GALNTL6: variants seen among roughly 807,000 people sequenced by gnomAD.
GALNTL6 encodes the protein polypeptide N-acetylgalactosaminyltransferase like 6, also known as polypeptide N-acetylgalactosaminyltransferase-like 6.
A neutral mutation model predicts 73.7 loss-of-function variants in GALNTL6; 46 were observed. That is an observed-to-expected ratio of 0.62 (90% confidence interval 0.49 to 0.80). The LOEUF (loss-of-function observed/expected upper bound fraction) is 0.80. GALNTL6 is among the 30% of genes least tolerant of loss of function. The pLI is 0.00. For missense variants in GALNTL6, 604 were observed against 755.0 expected, an observed-to-expected ratio of 0.80 and a Z score of 2.34; for synonymous variants, 259 against 263.7, an observed-to-expected ratio of 0.98 and a Z score of 0.17.
At chr4:172,076,825 C>G (rs997893706) in intron 2 of GALNTL6, among the ~76,000 whole-genome samples, 7 of 152,056 alleles carry the variant, frequency 4.6e-5, no homozygotes, top group African/African-American at 1.7e-4. Context: ...CAACATAAGG[C>G]CAATTATATG....
At chr4:172,173,206 G>T (rs533241776) in intron 2 of GALNTL6, among the ~76,000 whole-genome samples, 1 of 152,258 alleles carries the variant, frequency 6.6e-6, no homozygotes, top group African/African-American at 2.4e-5. Context: ...ACATTATCGG[G>T]GCAACATGTT....
At chr4:172,949,173 T>C (rs1029797000) in intron 9 of GALNTL6, among the ~76,000 whole-genome samples, 1 of 152,210 alleles carries the variant, frequency 6.6e-6, no homozygotes, top group Admixed American at 6.5e-5. Flanking sequence ...CATCATATGG[T>C]CTTTCATTAA....
rs533392528 is a variant in GALNTL6 at position 172,891,873 on chromosome 4, G to A, written c.1041+8966G>A. Among the ~76,000 whole-genome samples the A allele has an allele frequency of 2.0e-5, 3 of 152,100 alleles. No individual in the cohort carries two copies. In the South Asian group the frequency reaches 6.2e-4, roughly 32 times the overall value. On this transcript the variant is annotated intron_variant, in intron 8 of 12. Coordinates refer to ENST00000506823, the MANE Select transcript of GALNTL6 (RefSeq NM_001034845.3). ...TATTTTTGTCTGACTGGGTCTTTGA[G>A]CCTTTACATTCTTTCCTCAGCTTAC...
intron 5 of GALNTL6, among the ~76,000 whole-genome samples, chr4:172,431,785 G>T (rs1182258056): frequency 6.6e-6 from 1 of 152,034 alleles, no homozygotes; most frequent in Non-Finnish European, 1.5e-5. Flanking sequence ...TATTTTTACT[G>T]ACTGACTTTA....
At chr4:172,703,698 T>C (rs1734163535) in intron 5 of GALNTL6, among the ~76,000 whole-genome samples, 3 of 152,126 alleles carry the variant, frequency 2.0e-5, no homozygotes, top group African/African-American at 7.2e-5. Flanking sequence ...AGGGTAATAC[T>C]GACCTTGTAC....
chr4:172,294,887 T>C (rs1382863144), intron 3 of GALNTL6, among the ~76,000 whole-genome samples: 4 of 151,988 alleles, frequency 2.6e-5, no homozygotes, highest in Non-Finnish European at 4.4e-5. Context: ...TGAAAAAAGA[T>C]AGAATACTAA....
rs17059113 is a variant in GALNTL6, at chr4:173,036,716, C to T, written c.1639-3217C>T. On this transcript the variant is annotated intron_variant, in intron 12 of 12. Transcript: ENST00000506823. ...TGAATAGCCAGAGCACAGGCCATGC[C>T]ATCCTCCAGGACTGGACAAAGAACA... Among the ~76,000 whole-genome samples the T allele has an allele frequency of 9.5e-3, 1,452 of 152,272 alleles. 29 individuals carry two copies. Among genetic ancestry groups the T allele is most frequent in the African/African-American group, 0.033 (1,379 of 41,550 alleles).
intron 5 of GALNTL6, among the ~76,000 whole-genome samples, chr4:172,546,250 AC>A (rs1735744741): frequency 6.6e-6 from 1 of 152,142 alleles, no homozygotes; most frequent in African/African-American, 2.4e-5. Context: ...GCTGTGTTTT[AC>A]CAGAGGACAG....
intron 7 of GALNTL6, among the ~76,000 whole-genome samples, chr4:172,871,169 C>T (rs937435964): frequency 1.3e-5 from 2 of 152,146 alleles, no homozygotes; most frequent in African/African-American, 4.8e-5. Context: ...ATGCCAAGGG[C>T]CAGGCCTTCT....
chr4:172,675,237 G>A (rs879814083), intron 5 of GALNTL6, among the ~76,000 whole-genome samples: 2 of 152,108 alleles, frequency 1.3e-5, no homozygotes, highest in Non-Finnish European at 2.9e-5. Context: ...GATTTGGGGA[G>A]ACCAGTTCTC....
chr4:171,943,058 C>A (rs2220236), intron 2 of GALNTL6, among the ~76,000 whole-genome samples: 32,754 of 152,146 alleles, frequency 0.22, 4,069 homozygotes, highest in Middle Eastern at 0.33. Flanking sequence ...TAGTTTCTCT[C>A]AAGGGGGTAG....
At chr4:172,419,843 C>T (rs663643) in intron 5 of GALNTL6, among the ~76,000 whole-genome samples, 131,929 of 152,114 alleles carry the variant, frequency 0.87, 57,268 homozygotes, top group South Asian at 0.89. Context: ...TATTTGCTTA[C>T]TTTTATGGCA....
intron 5 of GALNTL6, among the ~76,000 whole-genome samples, chr4:172,532,407 T>C (rs1735197601): frequency 6.6e-6 from 1 of 152,120 alleles, no homozygotes; most frequent in Admixed American, 6.6e-5. Flanking sequence ...CCTAAAGACT[T>C]CAAAAAGAGT....
intron 5 of GALNTL6, among the ~76,000 whole-genome samples, chr4:172,737,534 T>G (rs1190779521): frequency 2.0e-5 from 3 of 152,192 alleles, no homozygotes; most frequent in Admixed American, 6.5e-5. Flanking sequence ...TATATTATCT[T>G]GGAGATCACT....
chr4:172,037,272 T>C (rs1308077312), intron 2 of GALNTL6, among the ~76,000 whole-genome samples: 3 of 152,140 alleles, frequency 2.0e-5, no homozygotes, highest in Non-Finnish European at 4.4e-5. Flanking sequence ...ATCAATAAAC[T>C]GCTGAGACTA....
In GALNTL6 at chr4:172,617,486, TA is replaced by T. The variant is rs1309253006; in HGVS notation, c.554-191874del. On this transcript the variant is annotated intron_variant, in intron 5 of 12. Coordinates refer to ENST00000506823, the MANE Select transcript of GALNTL6 (RefSeq NM_001034845.3). ...TATTTTATGTGTTTTTATTTTATTT[TA>T]TTTTTTTGAGACCGATTCTCGCTCT... Among the ~76,000 whole-genome samples the T allele has an allele frequency of 3.9e-5, 6 of 152,086 alleles. No individual in the cohort carries two copies. The South Asian group carries it at 8.3e-4, about 21-fold the overall frequency.
chr4:171,972,569 T>G (rs1027639566), intron 2 of GALNTL6, among the ~76,000 whole-genome samples: 10 of 152,088 alleles, frequency 6.6e-5, no homozygotes, highest in Admixed American at 1.3e-4. Flanking sequence ...AAATAGAAGA[T>G]TCTACTATAT....
intron 2 of GALNTL6, among the ~76,000 whole-genome samples, chr4:172,069,413 A>G (rs1269307666): frequency 2.0e-5 from 2 of 97,660 alleles, no homozygotes; most frequent in African/African-American, 7.8e-5. Flanking sequence ...TAACACATAT[A>G]TGTTATATAT....
chr4:172,588,171 G>C (rs568502384), intron 5 of GALNTL6, among the ~76,000 whole-genome samples: 3 of 152,214 alleles, frequency 2.0e-5, no homozygotes, highest in South Asian at 4.1e-4. Context: ...TAAAACATTT[G>C]TCCACTTCCC....
Sources: allele counts gnomAD v4.1 joint callset (sites outside exome capture counted in the v4.1 genomes callset), GRCh38; gene constraint gnomAD v4.1.1; transcripts MANE v1.5; gene names NCBI Gene and HGNC (gene_info 2026-07-23, HGNC 2026-07-21).